CENPF: variants seen among roughly 807,000 people sequenced by gnomAD.
CENPF encodes AH antigen.
CENPF carries 214 observed loss-of-function variants against 307.3 expected under a neutral mutation model. That is an observed-to-expected ratio of 0.70 (90% confidence interval 0.62 to 0.78). CENPF has a LOEUF of 0.78. CENPF is among the 30% of genes least tolerant of loss of function. The pLI is 0.00. For missense variants in CENPF, 3,401 were observed against 3,483.9 expected (o/e 0.98, Z 0.60); for synonymous variants, 1,259 against 1,270.6 (o/e 0.99, Z 0.19).
intron 1 of CENPF, among the ~76,000 whole-genome samples, chr1:214,611,022 A>G (rs113231594): frequency 0.069 from 10,555 of 151,954 alleles, 423 homozygotes; most frequent in South Asian, 0.14. Context: ...GCTCTCTATT[A>G]TGTTCCATTG....
At chr1:214,638,030 C>T (rs1658010174) in intron 11 of CENPF, 29 bp downstream of exon 11, 1 of 1,583,352 alleles carries the variant, frequency 6.3e-7, no homozygotes, top group Non-Finnish European at 8.6e-7. Context: ...TTAGAGTTAC[C>T]TTTCTAAGCT....
In CENPF at chr1:214,646,376, A is replaced by G. The variant is rs372963039; in HGVS notation, c.6806A>G (p.Asn2269Ser). The G allele has an allele frequency of 4.0e-5, 65 of 1,614,156 alleles. No homozygotes were observed. Among genetic ancestry groups the G allele is most frequent in the Middle Eastern group, 1.7e-4 (1 of 6,060 alleles). ...EMLQNQLKEL[N>S]EAVAALCGDQ... ...CTTCAGAATCAGTTAAAGGAGCTAA[A>G]TGAGGCAGTAGCAGCCTTGTGTGGT... The change falls in exon 13 of 20, where the codon AAT becomes AGT. Residue 2269 changes from asparagine (N) to serine (S), a missense_variant. Physicochemically the swap from Asn to Ser is conservative, Grantham distance 46. Transcript: ENST00000366955.
chr1:214,663,713 G>C lies in CENPF; in HGVS notation c.9264G>C (p.Leu3088=), dbSNP rs767410163. 5 of 1,613,984 alleles carry C rather than the reference G, an allele frequency of 3.1e-6. No homozygotes were observed. Among genetic ancestry groups the C allele is most frequent in the African/African-American group, 1.3e-5 (1 of 74,910 alleles). ...CGACTGACAGCCCCAGAGAGGGCCT[G>C]AGGGTCAAGCGAGGCCGACTTGTCC... ...RSPTDSPREG[L]RVKRGRLVPS... is the part of the protein sequence containing the mutation. The change falls in exon 20 of 20, where the codon CTG becomes CTC. Residue 3088 remains leucine, a synonymous_variant. Transcript: ENST00000366955.
intron 3 of CENPF, among the ~76,000 whole-genome samples, chr1:214,616,964 C>G (rs551314806): frequency 7.9e-6 from 1 of 126,682 alleles, no homozygotes; most frequent in Non-Finnish European, 1.7e-5. Context: ...TTCCTTCCCT[C>G]CTTCCCTCCC....
At chr1:214,635,874 CCT>C (rs1571711062) in intron 10 of CENPF, among the ~76,000 whole-genome samples, 2 of 152,170 alleles carry the variant, frequency 1.3e-5, no homozygotes, top group East Asian at 3.9e-4. Context: ...TCCCTGGTGC[CCT>C]CTCTCTCTTC....
Position 214,637,908 on chromosome 1 carries a change from C to CA in CENPF, c.1493dup (p.Ala499GlyfsTer64). 1 of 1,613,248 alleles carries CA rather than the reference C, an allele frequency of 6.2e-7. No individual in the cohort carries two copies. On this transcript the variant is annotated frameshift_variant, in exon 11 of 20. Transcript: ENST00000366955. LOFTEE classifies it high-confidence loss of function. ...CAACCTCCTTAAGAGTCACTCTGAG[C>CA]AAAAGGCCAGAGAAGTCTGCCACCT...
At position 214,642,911 on chromosome 1, in the gene CENPF, G is replaced by A; in HGVS notation, c.4573G>A (p.Glu1525Lys). 6.2e-7 allele frequency: 1 copy of A among 1,613,554 alleles called. No individual in the cohort carries two copies. Among genetic ancestry groups the A allele is most frequent in the Admixed American group, 1.7e-5 (1 of 59,970 alleles). The change falls in exon 12 of 20, where the codon GAA becomes AAA. Residue 1525 changes from glutamate to lysine, a missense_variant. Coordinates refer to ENST00000366955, the MANE Select transcript of CENPF (RefSeq NM_016343.4). ...AVSANQCSVD[E>K]VFCSSLQEEN... ...TTCAGCAAACCAGTGCAGTGTAGATGAAGTATTTTGCAGCAGTCTGCAGGA... is the reference window on the plus strand; with the variant it reads ...TTCAGCAAACCAGTGCAGTGTAGATAAAGTATTTTGCAGCAGTCTGCAGGA...
intron 9 of CENPF, among the ~76,000 whole-genome samples, chr1:214,631,786 C>T (rs371744089): frequency 9.8e-5 from 15 of 152,370 alleles, no homozygotes; most frequent in African/African-American, 3.1e-4. Flanking sequence ...AGGCATGAGC[C>T]GCCCTGCCTG....
rs372009319 is a variant in CENPF at position 214,620,962 on chromosome 1, G to A, written c.865+16G>A. On this transcript the variant is annotated intron_variant, in intron 6 of 19. Transcript: ENST00000366955. Reference sequence around the variant, plus strand: ...CAGAATCAAGGTAACATTGAGCTAAGTTAAGTTTAAATTCACTTTGCTTGA... The same window carrying A: ...CAGAATCAAGGTAACATTGAGCTAAATTAAGTTTAAATTCACTTTGCTTGA... The A allele has an allele frequency of 3.2e-6, 5 of 1,578,692 alleles. No homozygotes were observed. Among genetic ancestry groups the A allele is most frequent in the African/African-American group, 1.4e-5 (1 of 73,210 alleles).
At chr1:214,660,419 A>G (rs1658760340) in intron 19 of CENPF, among the ~76,000 whole-genome samples, 1 of 152,354 alleles carries the variant, frequency 6.6e-6, no homozygotes, top group Admixed American at 6.5e-5. Flanking sequence ...AAAATACTGA[A>G]GTATATACTG....
chr1:214,646,495 C>T lies in CENPF; in HGVS notation c.6925C>T (p.Arg2309Cys), dbSNP rs187123117. ...AAATAGCATTGAAAAGCTGAGAGCC[C>T]GCCTAGAAGCTGATGAAAAGAAGCA... ...LRNSIEKLRA[R>C]LEADEKKQLC... Residue 2309 changes from arginine to cysteine, a missense_variant, in exon 13 of 20, where the codon CGC (arginine) becomes TGC (cysteine). Coordinates refer to ENST00000366955, the MANE Select transcript of CENPF (RefSeq NM_016343.4). The T allele has an allele frequency of 3.7e-5, 59 of 1,614,032 alleles. No homozygotes were observed. The Middle Eastern group carries it at 8.2e-4, about 23-fold the overall frequency.
intron 19 of CENPF, among the ~76,000 whole-genome samples, chr1:214,661,807 A>G (rs547535031): frequency 6.6e-6 from 1 of 151,658 alleles, no homozygotes; most frequent in Admixed American, 6.6e-5. Context: ...ACTGAACTAC[A>G]TGCATATTTG....
chr1:214,641,164 G>A lies in CENPF; in HGVS notation c.2826G>A (p.Lys942=), dbSNP rs1658101065. 2 of 1,602,874 alleles carry A rather than the reference G, an allele frequency of 1.2e-6. No homozygotes were observed. Among genetic ancestry groups the A allele is most frequent in the East Asian group, 2.2e-5 (1 of 44,828 alleles). The change falls in exon 12 of 20, where the codon AAG becomes AAA. Residue 942 remains lysine, a synonymous_variant. Coordinates refer to ENST00000366955, the MANE Select transcript of CENPF (RefSeq NM_016343.4). The part of the protein sequence containing the change: ...KSNHLLEDSL[K]ELQLLSETLS... ...ACCATCTACTTGAAGACTCTCTAAA[G>A]GAGCTACAACTTTTATCCGAAACCC...
At position 214,646,818 on chromosome 1, in the gene CENPF, A is replaced by G; in HGVS notation, c.7248A>G (p.Ser2416=). 1 of 1,610,624 alleles carries G rather than the reference A, an allele frequency of 6.2e-7. No homozygotes were observed. The highest frequency in any genetic ancestry group is 1.1e-5 in the South Asian group (1 of 90,310). ...TATCTGAATTAGAAATAATAAATTC[A>G]TCATTTGAAAATATTTTGCAAGAAA... ...ERISELEIIN[S]SFENILQEKE... is the part of the protein sequence containing the mutation. The change falls in exon 13 of 20, where the codon TCA becomes TCG. Residue 2416 remains serine (S), a synonymous_variant. Coordinates refer to ENST00000366955, the MANE Select transcript of CENPF (RefSeq NM_016343.4).
chr1:214,608,562 G>A (rs1412368162), intron 1 of CENPF: 7 of 1,610,520 alleles, frequency 4.3e-6, no homozygotes, highest in Admixed American at 1.7e-5. Context: ...TGCGGCGGGC[G>A]CTCTTGGTGG....
At position 214,626,741 on chromosome 1, in the gene CENPF, T is replaced by C. The variant is rs548972734; in HGVS notation, c.1069-2305T>C. Among the ~76,000 whole-genome samples the C allele has an allele frequency of 6.6e-5, 10 of 152,344 alleles. No individual in the cohort carries two copies. In the South Asian group the frequency reaches 2.1e-3, roughly 32 times the overall value. On this transcript the variant is annotated intron_variant, in intron 7 of 19. Transcript: ENST00000366955. ...CATAGGGTTGTTGTAAAGATTGAGATAATTTTTGTAAAGGCTTTAGCATAG... is the reference window on the plus strand; with the variant it reads ...CATAGGGTTGTTGTAAAGATTGAGACAATTTTTGTAAAGGCTTTAGCATAG...
rs772890023 is a variant in CENPF, at chr1:214,641,845, A to G, written c.3507A>G (p.Leu1169=). 17 of 1,609,752 alleles carry G rather than the reference A, an allele frequency of 1.1e-5. No homozygotes were observed. In the Admixed American group the frequency reaches 2.7e-4, roughly 26 times the overall value. Residue 1169 remains leucine (L), a synonymous_variant, in exon 12 of 20, where the codon CTA becomes CTG. Transcript: ENST00000366955. ...VMKTKHECQN[L]ESEPIRNSVK... ...AGACTAAACATGAATGTCAAAATCT[A>G]GAATCAGAACCAATTAGGAACTCTG...
At chr1:214,609,057 C>T (rs1031188628) in intron 1 of CENPF, among the ~76,000 whole-genome samples, 1 of 151,744 alleles carries the variant, frequency 6.6e-6, no homozygotes, top group African/African-American at 2.4e-5. Context: ...CCACAGGTCT[C>T]CATGTCACGC....
At chr1:214,636,643 A>C (rs1657974247) in intron 10 of CENPF, among the ~76,000 whole-genome samples, 1 of 152,212 alleles carries the variant, frequency 6.6e-6, no homozygotes, top group South Asian at 2.1e-4. Flanking sequence ...GGTAGTAACC[A>C]GACTGATAAT....
Sources: gnomAD v4.1 joint callset for allele counts (sites outside exome capture counted in the v4.1 genomes callset) on GRCh38, gnomAD v4.1.1 for gene constraint, MANE v1.5 for transcripts, NCBI Gene and HGNC (gene_info 2026-07-23, HGNC 2026-07-21) for gene names.